The following TTC6 variants were observed in gnomAD, a reference collection of about 807,000 sequenced individuals.
TTC6 encodes tetratricopeptide repeat domain 6.
Under a neutral mutation model 210.4 loss-of-function variants are expected in TTC6, and 172 were observed. That is an observed-to-expected ratio of 0.82 (90% CI 0.72 to 0.93). TTC6 has a LOEUF of 0.93. TTC6 is among the 40% of genes least tolerant of loss of function. The pLI, the probability that TTC6 is intolerant of heterozygous loss-of-function variation, is 0.00. For synonymous variants in TTC6, 804 were observed against 819.6 expected, an observed-to-expected ratio of 0.98 and a Z score of 0.32; for missense variants, 2,414 against 2,318.1, an observed-to-expected ratio of 1.04 and a Z score of -0.85.
At chr14:37,821,433 T>C (rs1013117671) in intron 26 of TTC6, among the ~76,000 whole-genome samples, 2 of 152,140 alleles carry the variant, frequency 1.3e-5, no homozygotes, top group Admixed American at 6.6e-5. Context: ...TGTATACTAC[T>C]TGAGGAAAGT....
intron 14 of TTC6, among the ~76,000 whole-genome samples, chr14:37,777,288 T>A (rs1199586052): frequency 6.6e-6 from 1 of 152,186 alleles, no homozygotes; most frequent in Non-Finnish European, 1.5e-5. Flanking sequence ...GGAAGTTTTG[T>A]TTGTTCTTCT....
intron 20 of TTC6, among the ~76,000 whole-genome samples, chr14:37,803,674 A>T (rs2096112034): frequency 6.6e-6 from 1 of 152,266 alleles, no homozygotes; most frequent in Admixed American, 6.5e-5. Flanking sequence ...GCTTTTGAGG[A>T]GTTAGCTCTG....
intron 15 of TTC6, among the ~76,000 whole-genome samples, chr14:37,788,468 A>T (rs1595267718): frequency 6.6e-6 from 1 of 152,252 alleles, no homozygotes; most frequent in Non-Finnish European, 1.5e-5. Context: ...TCTTAAGTCC[A>T]TTTGCCTTCT....
chr14:37,626,640 T>C (rs1333781401), intron 1 of TTC6, among the ~76,000 whole-genome samples: 1 of 152,144 alleles, frequency 6.6e-6, no homozygotes, highest in Non-Finnish European at 1.5e-5. Context: ...ACACAAGGAA[T>C]GAACTGGTGG....
At chr14:37,680,839 G>A (rs932850384) in intron 2 of TTC6, among the ~76,000 whole-genome samples, 1 of 152,102 alleles carries the variant, frequency 6.6e-6, no homozygotes, top group Non-Finnish European at 1.5e-5. Context: ...TCTACAAAGA[G>A]TTCATAAAAT....
chr14:37,670,662 G>C (rs954747801), intron 1 of TTC6, among the ~76,000 whole-genome samples: 1 of 151,486 alleles, frequency 6.6e-6, no homozygotes, highest in Non-Finnish European at 1.5e-5. Flanking sequence ...GTAGAGATGG[G>C]GTTTCACCAT....
exon 16 of TTC6, chr14:37,790,720 T>A: frequency 6.5e-7 from 1 of 1,533,122 alleles, no homozygotes; most frequent in Non-Finnish European, 8.7e-7. Flanking sequence ...TTTTAAGCAC[T>A]CATAAATGAT....
At chr14:37,804,594 C>T (rs1174782400) in intron 20 of TTC6, 86 bp from the exon 23 acceptor site, 36 of 1,506,818 alleles carry the variant, frequency 2.4e-5, no homozygotes, top group African/African-American at 2.8e-5. Flanking sequence ...GTGCTCTGTG[C>T]TCCTTTTAAC....
At chr14:37,829,449 T>C (rs1332299949) in intron 29 of TTC6, among the ~76,000 whole-genome samples, 1 of 152,020 alleles carries the variant, frequency 6.6e-6, no homozygotes, top group Non-Finnish European at 1.5e-5. Context: ...AAAATAACAT[T>C]AATACTCTTA....
At chr14:37,839,020 A>G (rs1431224904) in intron 29 of TTC6, among the ~76,000 whole-genome samples, 1 of 152,174 alleles carries the variant, frequency 6.6e-6, no homozygotes, top group Admixed American at 6.5e-5. Context: ...TCCATGGTGT[A>G]TATGTGCCAC....
chr14:37,620,721 C>G (rs570199829), upstream of TTC6, among the ~76,000 whole-genome samples: 1 of 152,298 alleles, frequency 6.6e-6, no homozygotes, highest in South Asian at 2.1e-4. Flanking sequence ...TTAAAGTGTA[C>G]AGTTCAGTGA....
intron 29 of TTC6, among the ~76,000 whole-genome samples, chr14:37,832,367 T>A (rs1220257931): frequency 7.1e-6 from 1 of 140,650 alleles, no homozygotes; most frequent in East Asian, 2.1e-4. Flanking sequence ...AATTTTGGGC[T>A]TGGCTAGTTC....
chr14:37,706,894 C>T (rs1387546798), intron 5 of TTC6, among the ~76,000 whole-genome samples: 1 of 151,936 alleles, frequency 6.6e-6, no homozygotes, highest in Non-Finnish European at 1.5e-5. Context: ...TTGAGCTTAT[C>T]AGAATTTTTT....
At chr14:37,631,623 T>G (rs148147428) in intron 1 of TTC6, among the ~76,000 whole-genome samples, 8,717 of 152,238 alleles carry the variant, frequency 0.057, 379 homozygotes, top group Non-Finnish European at 0.089. Context: ...TGTCTTTGTG[T>G]TGTTCTCTGT....
At chr14:37,639,449 TAAG>T (rs1439010980) in intron 1 of TTC6, among the ~76,000 whole-genome samples, 1 of 152,212 alleles carries the variant, frequency 6.6e-6, no homozygotes, top group Non-Finnish European at 1.5e-5. Flanking sequence ...ATATAATAAT[TAAG>T]AAGTTTCCCT....
intron 6 of TTC6, among the ~76,000 whole-genome samples, chr14:37,716,022 CAG>C (rs79707737): frequency 0.38 from 58,368 of 151,616 alleles, 11,671 homozygotes; most frequent in Admixed American, 0.49. Context: ...GTGGTTGTAA[CAG>C]AATATAGAGG....
chr14:37,677,759 C>A (rs2095773542), intron 1 of TTC6, among the ~76,000 whole-genome samples: 1 of 151,826 alleles, frequency 6.6e-6, no homozygotes, highest in Non-Finnish European at 1.5e-5. Flanking sequence ...GTCATGGTTC[C>A]TGTTGATATG....
chr14:37,734,912 AG>A (rs1422550717), intron 7 of TTC6, among the ~76,000 whole-genome samples: 1 of 152,174 alleles, frequency 6.6e-6, no homozygotes, highest in Non-Finnish European at 1.5e-5. Context: ...TGTTGTTAAA[AG>A]CATTCTTTTA....
At chr14:37,634,939 T>C (rs931560362) in intron 1 of TTC6, among the ~76,000 whole-genome samples, 35 of 152,170 alleles carry the variant, frequency 2.3e-4, no homozygotes, top group Admixed American at 6.5e-4. Flanking sequence ...ACTTTTTTTT[T>C]CCAGCAGTTC....
Sources: allele counts gnomAD v4.1 joint callset (sites outside exome capture counted in the v4.1 genomes callset), GRCh38; gene constraint gnomAD v4.1.1; transcripts MANE v1.5; gene names NCBI Gene and HGNC (gene_info 2026-07-23, HGNC 2026-07-21).